Variants in SLC17A1 observed in about 807,000 individuals in gnomAD.
SLC17A1 encodes solute carrier family 17 member 1, also known as sodium-dependent phosphate transport protein 1.
A neutral mutation model predicts 53.5 loss-of-function variants in SLC17A1; 51 were observed. The ratio of observed to expected loss-of-function variants is 0.95; its 90% CI spans 0.76 to 1.20. SLC17A1 has a LOEUF of 1.20. Among genes scored for constraint, SLC17A1 ranks in the 50% most tolerant of loss-of-function variants. SLC17A1 has a pLI of 0.00. For synonymous variants in SLC17A1, 179 were observed against 198.8 expected, an observed-to-expected ratio of 0.90 and a Z score of 0.84; for missense variants, 538 against 568.2, an observed-to-expected ratio of 0.95 and a Z score of 0.54.
chr6:25,795,896 T>G (rs1192655272), intron 12 of SLC17A1, among the ~76,000 whole-genome samples: 9 of 152,138 alleles, frequency 5.9e-5, no homozygotes, highest in Admixed American at 5.9e-4. Flanking sequence ...CTTTTTGAAA[T>G]TGTAACATCA....
chr6:25,730,822 T>C, the SLC17A1 span, among the ~76,000 whole-genome samples: 12 of 152,176 alleles, frequency 7.9e-5, no homozygotes, highest in African/African-American at 2.9e-4. Context: ...GTGAGATTAA[T>C]TGGAAACTAA....
the SLC17A1 span, among the ~76,000 whole-genome samples, chr6:25,768,719 C>A: frequency 6.6e-6 from 1 of 152,172 alleles, no homozygotes; most frequent in Non-Finnish European, 1.5e-5. Context: ...CTTCTCATCC[C>A]AGAGCCCTGC....
the SLC17A1 span, chr6:25,727,256 C>G: frequency 6.2e-7 from 1 of 1,610,546 alleles, no homozygotes. Context: ...TGTCTGAGGG[C>G]ACCAAGGCTG....
intron 10 of SLC17A1, among the ~76,000 whole-genome samples, chr6:25,802,468 T>C (rs1261378593): frequency 2.6e-4 from 39 of 152,234 alleles, no homozygotes; most frequent in Admixed American, 2.5e-3. Context: ...ATTATTTATA[T>C]GAAATTATTA....
At chr6:25,737,477 T>A in the SLC17A1 span, among the ~76,000 whole-genome samples, 4 of 152,086 alleles carry the variant, frequency 2.6e-5, no homozygotes, top group Non-Finnish European at 4.4e-5. Context: ...TCGGGGAGGT[T>A]AGTTTGAGTA....
the SLC17A1 span, among the ~76,000 whole-genome samples, chr6:25,759,019 G>T: frequency 6.6e-6 from 1 of 152,090 alleles, no homozygotes; most frequent in African/African-American, 2.4e-5. Context: ...TCAGTTCAAA[G>T]AATTTTTTAA....
the SLC17A1 span, chr6:25,761,835 A>G: frequency 1.0e-5 from 7 of 685,586 alleles, no homozygotes; most frequent in Non-Finnish European, 1.2e-5. Context: ...CTTTTCTTAT[A>G]CAGCAACATT....
the SLC17A1 span, among the ~76,000 whole-genome samples, chr6:25,725,892 G>A: frequency 1.3e-5 from 2 of 152,130 alleles, no homozygotes; most frequent in Non-Finnish European, 2.9e-5. Flanking sequence ...ACCTCGCCCA[G>A]TGACATATAT....
chr6:25,748,261 T>C, the SLC17A1 span, among the ~76,000 whole-genome samples: 1 of 151,828 alleles, frequency 6.6e-6, no homozygotes, highest in South Asian at 2.1e-4. Flanking sequence ...TTAGCTGAGG[T>C]GAAACTCATT....
In SLC17A1 at chr6:25,819,900, A is replaced by G; in HGVS notation, c.223T>C (p.Trp75Arg). ...LDNIKNPMYN[W>R]SPDIQGIILS... ...ATGATTCCCTGGATATCTGGGCTCC[A>G]ATTATACATAGGGTTCTAAAAGACA... The change falls in exon 4 of 13, where the codon TGG becomes CGG. Residue 75 changes from tryptophan to arginine, a missense_variant. By Grantham distance (101) the Trp-to-Arg change is moderately radical (BLOSUM62 -3). Coordinates refer to ENST00000244527, the MANE Select transcript of SLC17A1 (RefSeq NM_005074.5). 1 of 1,610,110 alleles carries G rather than the reference A, an allele frequency of 6.2e-7. No individual in the cohort carries two copies. The highest frequency in any genetic ancestry group is 8.5e-7 in the Non-Finnish European group (1 of 1,177,514).
At chr6:25,805,926 T>G (rs1763938070) in intron 10 of SLC17A1, among the ~76,000 whole-genome samples, 2 of 151,974 alleles carry the variant, frequency 1.3e-5, no homozygotes. Flanking sequence ...GCCAGACAGA[T>G]TCACAGCTAA....
chr6:25,734,807 G>C, the SLC17A1 span, among the ~76,000 whole-genome samples: 1 of 152,216 alleles, frequency 6.6e-6, no homozygotes, highest in African/African-American at 2.4e-5. Context: ...GTTGTTGTTA[G>C]AGGACTTTTA....
chr6:25,729,574 C>CCACGGGATGGGTGTGAACTGATCAT, the SLC17A1 span, among the ~76,000 whole-genome samples: 1 of 152,156 alleles, frequency 6.6e-6, no homozygotes, highest in Non-Finnish European at 1.5e-5. Context: ...CTACAGAAAA[C>CCACGGGATGGGTGTGAACTGATCAT]CACGGGATGG....
the SLC17A1 span, among the ~76,000 whole-genome samples, chr6:25,724,254 T>G: frequency 6.6e-6 from 1 of 152,134 alleles, no homozygotes; most frequent in African/African-American, 2.4e-5. Flanking sequence ...CGAAACCCTG[T>G]CTCTACTAAC....
intron 12 of SLC17A1, among the ~76,000 whole-genome samples, chr6:25,787,183 G>A (rs1238938184): frequency 6.6e-6 from 1 of 152,022 alleles, no homozygotes; most frequent in African/African-American, 2.4e-5. Context: ...TTAATTTTCT[G>A]AATTTGTTCA....
In SLC17A1 at chr6:25,830,577, T is replaced by C. The variant is rs754539848; in HGVS notation, c.-20A>G. On this transcript the variant is annotated 5_prime_UTR_variant, in exon 2 of 13. Coordinates refer to ENST00000244527, the MANE Select transcript of SLC17A1 (RefSeq NM_005074.5). ...TTGCATACACGGCTGAAGTTGCTTC[T>C]CTTCTTGCTGAAGGGTTTTGCCTCC... 51 of 1,613,690 alleles carry C rather than the reference T, an allele frequency of 3.2e-5. No homozygotes were observed. The highest frequency in any genetic ancestry group is 3.0e-5 in the Non-Finnish European group (35 of 1,179,794).
downstream of SLC17A1, among the ~76,000 whole-genome samples, chr6:25,781,465 G>A (rs1262443111): frequency 2.0e-5 from 3 of 151,662 alleles, no homozygotes; most frequent in African/African-American, 2.4e-5. Flanking sequence ...AGAAGTTTGG[G>A]TATGAAAGGG....
the SLC17A1 span, chr6:25,776,547 G>A: frequency 1.9e-6 from 3 of 1,549,494 alleles, no homozygotes; most frequent in East Asian, 2.3e-5. Flanking sequence ...CTGTGTCGTG[G>A]TGGGGGTGGT....
chr6:25,780,417 G>A (rs375884644), downstream of SLC17A1: 1 of 152,242 alleles, frequency 6.6e-6, no homozygotes, highest in Non-Finnish European at 1.5e-5. Flanking sequence ...CCCCTGCAAA[G>A]TTTCAGCTGA....
Sources: gnomAD v4.1 joint callset for allele counts (sites outside exome capture counted in the v4.1 genomes callset) on GRCh38, gnomAD v4.1.1 for gene constraint, MANE v1.5 for transcripts, NCBI Gene and HGNC (gene_info 2026-07-23, HGNC 2026-07-21) for gene names.